The following NDOR1 variants were observed in gnomAD, a reference collection of about 807,000 sequenced individuals.
NDOR1 encodes the protein NADPH dependent diflavin oxidoreductase 1, also known as NADPH-dependent diflavin oxidoreductase 1.
A neutral mutation model predicts 67.2 loss-of-function variants in NDOR1; 61 were observed. That is an observed-to-expected ratio of 0.91 (90% CI 0.74 to 1.12). The LOEUF (loss-of-function observed/expected upper bound fraction) is 1.12. Ranked by LOEUF, NDOR1 falls within the 50% of genes most tolerant of loss-of-function variation. NDOR1 has a pLI of 0.00. For synonymous variants in NDOR1, 378 were observed against 343.7 expected, an observed-to-expected ratio of 1.10 and a Z score of -1.10; for missense variants, 878 against 802.8, an observed-to-expected ratio of 1.09 and a Z score of -1.13.
Position 137,218,746 on chromosome 9 carries a change from C to T in NDOR1, c.*2330C>T, listed in dbSNP as rs1037718843. 2.5e-6 allele frequency: 1 copy of T among 397,190 alleles called. No homozygotes were observed. The highest frequency in any genetic ancestry group is 2.1e-5 in the African/African-American group (1 of 48,610). 24.6% of individuals were successfully genotyped at this position (397,190 alleles called of 1,614,324 possible). Reference sequence around the variant, plus strand: ...GGGCAGTGGCCTTCAATCAAGACCTCCCATTGCTGAACCCACAACCAGGGC... The same window carrying T: ...GGGCAGTGGCCTTCAATCAAGACCTTCCATTGCTGAACCCACAACCAGGGC... On this transcript the variant is annotated 3_prime_UTR_variant, in exon 14 of 14. Transcript: ENST00000684003.
In NDOR1 at chr9:137,213,879, G is replaced by A. The variant is rs775491326; in HGVS notation, c.410+1G>A. ...TGGGCGATGACCAGCATGAGCTGGGGTGAGTCTGCGGGCGTGGTACCCGCC... is the reference window on the plus strand; with the variant it reads ...TGGGCGATGACCAGCATGAGCTGGGATGAGTCTGCGGGCGTGGTACCCGCC... On this transcript the variant is annotated splice_donor_variant, in intron 4 of 13. Transcript: ENST00000684003. LOFTEE classifies it high-confidence loss of function. 1.2e-5 allele frequency: 20 copies of A among 1,608,700 alleles called. No individual in the cohort carries two copies. The highest frequency in any genetic ancestry group is 1.6e-5 in the Non-Finnish European group (19 of 1,178,074).
intron 2 of NDOR1, among the ~76,000 whole-genome samples, chr9:137,210,939 G>A (rs1355537280): frequency 6.6e-6 from 1 of 152,012 alleles, no homozygotes; most frequent in Non-Finnish European, 1.5e-5. Flanking sequence ...TTAGGAGTTC[G>A]AGACCAGCTT....
chr9:137,218,310 G>C lies in NDOR1; in HGVS notation c.*1894G>C, dbSNP rs763974149. On this transcript the variant is annotated 3_prime_UTR_variant, in exon 14 of 14. Coordinates refer to ENST00000684003, the MANE Select transcript of NDOR1 (RefSeq NM_014434.4). ...GACGGGCCCTCACGCCAGCCCCGCC[G>C]AGAGGCCCCTGCATCCTATCACCGC... is the stretch of plus-strand genomic sequence containing the variant. 7.5e-6 allele frequency: 3 copies of C among 398,160 alleles called. No homozygotes were observed. Among genetic ancestry groups the C allele is most frequent in the African/African-American group, 4.1e-5 (2 of 48,594 alleles). The allele number at this position is 398,160 out of a possible 1,614,324, so 24.7% of individuals were successfully genotyped here. A position where few individuals can be genotyped will look rare whatever the true frequency, so the allele number is the denominator to read the frequency against.
At chr9:137,211,250 G>A (rs1193247903) in intron 2 of NDOR1, among the ~76,000 whole-genome samples, 3 of 152,238 alleles carry the variant, frequency 2.0e-5, no homozygotes, top group African/African-American at 7.2e-5. Context: ...AGAATGAGAA[G>A]ACAATGGTGG....
rs1835726961 is a variant in NDOR1, at chr9:137,218,273, C to G, written c.*1857C>G. 2.5e-6 allele frequency: 1 copy of G among 398,206 alleles called. No individual in the cohort carries two copies. The highest frequency in any genetic ancestry group is 4.4e-5 in the Admixed American group (1 of 22,716). The allele number at this position is 398,206 out of a possible 1,614,324, so 24.7% of individuals were successfully genotyped here. On this transcript the variant is annotated 3_prime_UTR_variant, in exon 14 of 14. Coordinates refer to ENST00000684003, the MANE Select transcript of NDOR1 (RefSeq NM_014434.4). The stretch of plus-strand genomic sequence containing the variant: ...GGAGATCTGCCGGCTACAGGAGGAG[C>G]TGCTACAGGCCGACGGGCCCTCACG...
At chr9:137,210,292 C>T (rs985500080) in intron 2 of NDOR1, among the ~76,000 whole-genome samples, 4 of 152,202 alleles carry the variant, frequency 2.6e-5, no homozygotes, top group Admixed American at 6.5e-5. Flanking sequence ...CAGCCATCAA[C>T]GGCTCACTGC....
rs907606275 is a variant in NDOR1 at position 137,218,193 on chromosome 9, A to G, written c.*1777A>G. 2.5e-6 allele frequency: 1 copy of G among 398,004 alleles called. No individual in the cohort carries two copies. The highest frequency in any genetic ancestry group is 4.4e-6 in the Non-Finnish European group (1 of 225,958). 24.7% of individuals were successfully genotyped at this position (398,004 alleles called of 1,614,324 possible). A position where few individuals can be genotyped will look rare whatever the true frequency, so the allele number is the denominator to read the frequency against. Reference sequence around the variant, plus strand: ...CTGCTGGGCTCGGCCTCCAGTGCCGACCTGGGCCGGGTGCGCTGCCCGCTG... The same window carrying G: ...CTGCTGGGCTCGGCCTCCAGTGCCGGCCTGGGCCGGGTGCGCTGCCCGCTG... On this transcript the variant is annotated 3_prime_UTR_variant, in exon 14 of 14. Transcript: ENST00000684003.
At position 137,216,633 on chromosome 9, in the gene NDOR1, GC is replaced by G; in HGVS notation, c.*218del. The stretch of plus-strand genomic sequence containing the variant: ...GCAGCCTCTGCCCAGCCAGCCCTGC[GC>G]TCCCCCACCCTGACAGTGAGCTGTG... On this transcript the variant is annotated 3_prime_UTR_variant, in exon 14 of 14. Coordinates refer to ENST00000684003, the MANE Select transcript of NDOR1 (RefSeq NM_014434.4). 1 of 615,296 alleles carries G rather than the reference GC, an allele frequency of 1.6e-6. No individual in the cohort carries two copies. Among genetic ancestry groups the G allele is most frequent in the Non-Finnish European group, 2.8e-6 (1 of 355,896 alleles). 38.1% of individuals were successfully genotyped at this position (615,296 alleles called of 1,614,324 possible). A position where few individuals can be genotyped will look rare whatever the true frequency, so the allele number is the denominator to read the frequency against.
rs150294847 is a variant in NDOR1, at chr9:137,213,579, G to T, written c.312-201G>T. Among the ~76,000 whole-genome samples the T allele has an allele frequency of 3.3e-5, 5 of 151,942 alleles. No homozygotes were observed. The East Asian group carries it at 9.7e-4, about 29-fold the overall frequency. ...CCTGCTGCTTGGCACCCTGGCAGCT[G>T]CCCTGGTCTCGGCAGCCCCTGGCGT... On this transcript the variant is annotated intron_variant, in intron 3 of 13. Transcript: ENST00000684003.
chr9:137,213,461 C>T lies in NDOR1; in HGVS notation c.312-319C>T, dbSNP rs532894814. ...TTGGCTGGGGGCCTGGAGGCCTCAG[C>T]TGCCTCAAGTCCCTGCCCAGGGATG... On this transcript the variant is annotated intron_variant, in intron 3 of 13. Coordinates refer to ENST00000684003, the MANE Select transcript of NDOR1 (RefSeq NM_014434.4). 2.6e-5 allele frequency among the ~76,000 whole-genome samples: 4 copies of T among 152,296 alleles called. No homozygotes were observed. In the East Asian group the frequency reaches 7.7e-4, roughly 29 times the overall value.
At position 137,214,670 on chromosome 9, in the gene NDOR1, A is replaced by G; in HGVS notation, c.823A>G (p.Met275Val). The G allele has an allele frequency of 6.2e-7, 1 of 1,605,424 alleles. No homozygotes were observed. ...VLGLDPDQLF[M>V]LQPREPDVSS... ...GGGCCTGGACCCTGACCAGCTCTTC[A>G]TGCTGCAGCCGCGGGAGCCAGGTGA... The change falls in exon 7 of 14, where the codon ATG becomes GTG. Residue 275 changes from methionine (M) to valine (V), a missense_variant. By Grantham distance (21) the Met-to-Val change is conservative. Coordinates refer to ENST00000684003, the MANE Select transcript of NDOR1 (RefSeq NM_014434.4).
chr9:137,217,908 G>T lies in NDOR1; in HGVS notation c.*1492G>T. On this transcript the variant is annotated 3_prime_UTR_variant, in exon 14 of 14. Coordinates refer to ENST00000684003, the MANE Select transcript of NDOR1 (RefSeq NM_014434.4). ...GGCCCTGAGTGCCTGGACCCTCTGT[G>T]CCAAGCACCAGCAAGCAAAGGGGAT... The T allele has an allele frequency of 2.5e-6, 1 of 398,362 alleles. No individual in the cohort carries two copies. The highest frequency in any genetic ancestry group is 4.4e-6 in the Non-Finnish European group (1 of 226,004). 24.7% of individuals were successfully genotyped at this position (398,362 alleles called of 1,614,324 possible).
rs575158518 is a variant in NDOR1, at chr9:137,215,326, C to T, written c.1174-81C>T. ...CGTTCCCCCAGTCGGACTGCCTCTG[C>T]GGGAGGTAGGTGGGGCCCACGGCCC... On this transcript the variant is annotated intron_variant, in intron 9 of 13. Coordinates refer to ENST00000684003, the MANE Select transcript of NDOR1 (RefSeq NM_014434.4). 477 of 1,542,620 alleles carry T rather than the reference C, an allele frequency of 3.1e-4. 3 individuals carry two copies. In the African/African-American group the frequency reaches 5.5e-3, roughly 18 times the overall value.
rs768886300 is a variant in NDOR1, at chr9:137,216,633, G to T, written c.*217G>T. On this transcript the variant is annotated 3_prime_UTR_variant, in exon 14 of 14. Coordinates refer to ENST00000684003, the MANE Select transcript of NDOR1 (RefSeq NM_014434.4). ...GCAGCCTCTGCCCAGCCAGCCCTGCGCTCCCCCACCCTGACAGTGAGCTGT... is the reference window on the plus strand; with the variant it reads ...GCAGCCTCTGCCCAGCCAGCCCTGCTCTCCCCCACCCTGACAGTGAGCTGT... 3.3e-6 allele frequency: 2 copies of T among 615,178 alleles called. No individual in the cohort carries two copies. The highest frequency in any genetic ancestry group is 3.7e-5 in the African/African-American group (2 of 54,010). The allele number at this position is 615,178 out of a possible 1,614,324, so 38.1% of individuals were successfully genotyped here.
intron 1 of NDOR1, 75 bp downstream of exon 1, chr9:137,205,987 A>G: frequency 1.3e-6 from 2 of 1,494,588 alleles, no homozygotes; most frequent in Non-Finnish European, 1.8e-6. Context: ...CATCGACCCA[A>G]AAGGCGTCGC....
rs1835772544 is a variant in NDOR1 at position 137,219,086 on chromosome 9, T to G, written c.*2670T>G. On this transcript the variant is annotated 3_prime_UTR_variant, in exon 14 of 14. Coordinates refer to ENST00000684003, the MANE Select transcript of NDOR1 (RefSeq NM_014434.4). ...GTGTTCAGATAAGGGCCAGTGTGTG[T>G]CCCTGAAGGTCAGGCCAGCCGGGGG... 1 of 155,022 alleles carries G rather than the reference T, an allele frequency of 6.5e-6. No individual in the cohort carries two copies. Among genetic ancestry groups the G allele is most frequent in the African/African-American group, 2.4e-5 (1 of 41,588 alleles). The allele number at this position is 155,022 out of a possible 1,614,324, so 9.6% of individuals were successfully genotyped here.
Position 137,214,837 on chromosome 9 carries a change from T to C in NDOR1, c.884T>C (p.Met295Thr), listed in dbSNP as rs765789857. 39 of 1,608,378 alleles carry C rather than the reference T, an allele frequency of 2.4e-5. No homozygotes were observed. In the Admixed American group the frequency reaches 5.2e-4, roughly 21 times the overall value. Residue 295 changes from methionine to threonine, a missense_variant, in exon 8 of 14, where the codon ATG becomes ACG. Coordinates refer to ENST00000684003, the MANE Select transcript of NDOR1 (RefSeq NM_014434.4). ...SPTRLPQPCS[M>T]RHLVSHYLDI... ...ACGAGGCTGCCCCAGCCCTGCTCCA[T>C]GCGGCACCTCGTGTCCCACTACCTG...
At position 137,206,165 on chromosome 9, in the gene NDOR1, C is replaced by T. The variant is rs962487282; in HGVS notation, c.136-67C>T. On this transcript the variant is annotated intron_variant, in intron 1 of 13. Transcript: ENST00000684003. ...CAGCCTGAGTAAAGGAGAAGGGGGT[C>T]AAGTTTTGGGAAGGACGCCCGGTCC... 3 of 1,590,196 alleles carry T rather than the reference C, an allele frequency of 1.9e-6. No individual in the cohort carries two copies. The African/African-American group carries it at 4.0e-5, about 21-fold the overall frequency.
chr9:137,216,691 G>C lies in NDOR1; in HGVS notation c.*275G>C, dbSNP rs543649245. 5.9e-6 allele frequency: 3 copies of C among 509,546 alleles called. No homozygotes were observed. In the South Asian group the frequency reaches 6.3e-5, roughly 11 times the overall value. The allele number at this position is 509,546 out of a possible 1,614,324, so 31.6% of individuals were successfully genotyped here. The stretch of plus-strand genomic sequence containing the variant: ...TCCCCCCACCCCCTTCCCAGTCAAG[G>C]TGGTGGCCTGGGCCGCTCCACCTCA... On this transcript the variant is annotated 3_prime_UTR_variant, in exon 14 of 14. Transcript: ENST00000684003.
Sources: gnomAD v4.1 joint callset for allele counts (sites outside exome capture counted in the v4.1 genomes callset) on GRCh38, gnomAD v4.1.1 for gene constraint, MANE v1.5 for transcripts, NCBI Gene and HGNC (gene_info 2026-07-23, HGNC 2026-07-21) for gene names.